Variants in IFRD1 observed in about 807,000 individuals in gnomAD.
IFRD1 encodes interferon-related developmental regulator 1.
A neutral mutation model predicts 52.9 loss-of-function variants in IFRD1; 35 were observed. The observed-to-expected ratio is 0.66, with a 90% CI of 0.51 to 0.88. The LOEUF is 0.88. Among genes scored for constraint, IFRD1 ranks in the 40% least tolerant of loss-of-function variants. The probability of loss-of-function intolerance (pLI) is 0.00; values close to 1 mark genes in which losing one functional copy is unlikely to be tolerated. For synonymous variants in IFRD1, 184 were observed against 188.4 expected (o/e 0.98, Z 0.19); for missense variants, 517 against 550.8 (o/e 0.94, Z 0.61).
intron 1 of IFRD1, among the ~76,000 whole-genome samples, chr7:112,431,629 T>G (rs1794549811): frequency 6.6e-6 from 1 of 152,288 alleles, no homozygotes; most frequent in Non-Finnish European, 1.5e-5. Flanking sequence ...AGTAGGAAAC[T>G]CCCTTGTCCC....
At chr7:112,462,461 A>G (rs868839899) in intron 8 of IFRD1, 83 bp downstream of exon 8, 4 of 934,642 alleles carry the variant, frequency 4.3e-6, no homozygotes, top group South Asian at 1.3e-5. Flanking sequence ...GAATTGGGCA[A>G]TAACTTTGGA....
At chr7:112,467,803 G>C (rs886942378) in intron 8 of IFRD1, 178 bp from the exon 9 acceptor site, 2 of 634,920 alleles carry the variant, frequency 3.1e-6, no homozygotes. Flanking sequence ...GCATTTCTGG[G>C]TTCGATTTTT....
In IFRD1 at chr7:112,460,655, A is replaced by C. The variant is rs183167086; in HGVS notation, c.568-1211A>C. Among the ~76,000 whole-genome samples the C allele has an allele frequency of 6.6e-5, 10 of 152,212 alleles. No homozygotes were observed. The East Asian group carries it at 1.7e-3, about 26-fold the overall frequency. ...GATTATGGATTGAAAATTTCCTTTA[A>C]TGCTTAGGCTACTTTTAGATTTTAA... On this transcript the variant is annotated intron_variant, in intron 5 of 11. Coordinates refer to ENST00000403825, the MANE Select transcript of IFRD1 (RefSeq NM_001550.4).
intron 1 of IFRD1, among the ~76,000 whole-genome samples, chr7:112,424,478 G>A (rs745513305): frequency 5.9e-5 from 9 of 151,276 alleles, no homozygotes; most frequent in Admixed American, 2.6e-4. Flanking sequence ...GCAATGGCAC[G>A]ATCTTGACTC....
rs1795889698 is a variant in IFRD1, at chr7:112,475,891, G to C, written c.*372G>C. ...GCAAGATATTTAACTTAATATCTTA[G>C]ACAAGAGTTCTGGGTACAATTTTGG... On this transcript the variant is annotated 3_prime_UTR_variant, in exon 12 of 12. Transcript: ENST00000403825. The C allele has an allele frequency of 5.7e-6, 1 of 176,218 alleles. No homozygotes were observed. Among genetic ancestry groups the C allele is most frequent in the African/African-American group, 2.4e-5 (1 of 41,610 alleles). 10.9% of individuals were successfully genotyped at this position (176,218 alleles called of 1,614,324 possible).
chr7:112,450,429 C>A (rs1302072942), upstream of IFRD1: 1 of 527,032 alleles, frequency 1.9e-6, no homozygotes, highest in Non-Finnish European at 3.5e-6. Context: ...GGCGGTATTG[C>A]TACTTAAGGC....
At chr7:112,457,441 C>A in intron 4 of IFRD1, 1 of 219,524 alleles carries the variant, frequency 4.6e-6, no homozygotes. Flanking sequence ...TACTTGAATT[C>A]TAGAACTTTG....
chr7:112,433,990 T>C (rs1794609278), intron 1 of IFRD1, among the ~76,000 whole-genome samples: 1 of 130,682 alleles, frequency 7.7e-6, no homozygotes, highest in South Asian at 2.5e-4. Context: ...CAGCTAATTT[T>C]TGTATTTTTT....
intron 11 of IFRD1, among the ~76,000 whole-genome samples, chr7:112,475,084 G>T (rs1795864085): frequency 6.6e-6 from 1 of 151,814 alleles, no homozygotes; most frequent in South Asian, 2.1e-4. Context: ...TCAGCCTCCC[G>T]AGTAGCTGGG....
chr7:112,469,640 C>T (rs1795697274), intron 9 of IFRD1, among the ~76,000 whole-genome samples: 1 of 152,026 alleles, frequency 6.6e-6, no homozygotes, highest in Non-Finnish European at 1.5e-5. Flanking sequence ...GTTTTCTGCC[C>T]TCATGCATCC....
Position 112,470,917 on chromosome 7 carries a change from C to T in IFRD1, c.1042-1302C>T, listed in dbSNP as rs1795729708. 3.3e-5 allele frequency among the ~76,000 whole-genome samples: 5 copies of T among 152,048 alleles called. 1 individual carries two copies. In the South Asian group the frequency reaches 8.3e-4, roughly 25 times the overall value. ...TTTTCAGTCCATGGTTGGTTGAATC[C>T]GTGATGCAGAACCAACCAGATATGG... On this transcript the variant is annotated intron_variant, in intron 9 of 11. Transcript: ENST00000403825.
intron 1 of IFRD1, among the ~76,000 whole-genome samples, chr7:112,436,696 G>A (rs989116675): frequency 6.6e-6 from 1 of 151,942 alleles, no homozygotes; most frequent in African/African-American, 2.4e-5. Flanking sequence ...ATGAAATCAG[G>A]CAATGCAAAT....
chr7:112,428,046 G>C (rs728273), intron 1 of IFRD1, among the ~76,000 whole-genome samples: 77,961 of 151,968 alleles, frequency 0.51, 21,363 homozygotes, highest in East Asian at 0.64. Context: ...CTGGTAAAGA[G>C]AGTTTAGAAG....
intron 4 of IFRD1, chr7:112,457,715 TATAAC>T (rs1795331146): frequency 6.6e-6 from 1 of 152,190 alleles, no homozygotes; most frequent in African/African-American, 2.4e-5. Flanking sequence ...TGGTTTCTAT[TATAAC>T]AAACAAAACA....
chr7:112,467,824 A>G (rs572498391), intron 8 of IFRD1, 157 bp from the exon 9 acceptor site: 4 of 709,450 alleles, frequency 5.6e-6, no homozygotes, highest in East Asian at 5.5e-5. Flanking sequence ...GCATGAAAAC[A>G]TGTGTTTATG....
At chr7:112,441,020 C>A (rs1424875442) in intron 1 of IFRD1, among the ~76,000 whole-genome samples, 1 of 152,034 alleles carries the variant, frequency 6.6e-6, no homozygotes, top group Non-Finnish European at 1.5e-5. Flanking sequence ...ACCTGTAATC[C>A]CAACACTTTG....
intron 8 of IFRD1, among the ~76,000 whole-genome samples, chr7:112,467,169 A>C (rs1169484111): frequency 2.0e-5 from 3 of 152,204 alleles, no homozygotes; most frequent in Non-Finnish European, 4.4e-5. Flanking sequence ...ATAATAAGTT[A>C]AATGATTCTT....
chr7:112,433,256 T>G (rs1794584874), intron 1 of IFRD1, among the ~76,000 whole-genome samples: 2 of 152,128 alleles, frequency 1.3e-5, no homozygotes, highest in Non-Finnish European at 2.9e-5. Flanking sequence ...GGATCAGGGT[T>G]TTTAAGGACA....
At chr7:112,464,217 G>T (rs1363423430) in intron 8 of IFRD1, among the ~76,000 whole-genome samples, 2 of 151,744 alleles carry the variant, frequency 1.3e-5, no homozygotes, top group Non-Finnish European at 2.9e-5. Context: ...ACTTTCTGAT[G>T]TTACTAACTT....
Sources: allele counts gnomAD v4.1 joint callset (sites outside exome capture counted in the v4.1 genomes callset), GRCh38; gene constraint gnomAD v4.1.1; transcripts MANE v1.5; gene names NCBI Gene and HGNC (gene_info 2026-07-23, HGNC 2026-07-21).